PARD3B: variants seen among roughly 807,000 people sequenced by gnomAD.
The protein encoded by PARD3B is par-3 family cell polarity regulator beta.
PARD3B carries 103 observed loss-of-function variants against 130.2 expected under a neutral mutation model. That is an observed-to-expected ratio of 0.79 (90% CI 0.67 to 0.93). PARD3B has a LOEUF of 0.93. Among genes scored for constraint, PARD3B ranks in the 40% least tolerant of loss-of-function variants. The pLI is 0.00. For synonymous variants in PARD3B, 583 were observed against 553.2 expected (o/e 1.05, Z -0.76); for missense variants, 1,609 against 1,499.2 (o/e 1.07, Z -1.21).
rs1287069482 is a variant in PARD3B, at chr2:205,276,737, G to A, written c.2186-23793G>A. On this transcript the variant is annotated intron_variant, in intron 16 of 22. Transcript: ENST00000406610. The surrounding 1 kb of genome is among the most constrained non-coding windows in gnomAD (Gnocchi z 5.0). ...AGGAGAAGCCCAAGGGACTCTGGCT[G>A]TTAGAAAATTTGTCATCCTGCTAGA... is the stretch of plus-strand genomic sequence containing the variant. 6.6e-6 allele frequency among the ~76,000 whole-genome samples: 1 copy of A among 152,190 alleles called. No individual in the cohort carries two copies.
At chr2:204,625,244 A>T (rs961206620) in intron 1 of PARD3B, among the ~76,000 whole-genome samples, 4 of 152,152 alleles carry the variant, frequency 2.6e-5, no homozygotes, top group African/African-American at 9.7e-5. Context: ...CAAAAATAAA[A>T]ATATTGAATG....
At position 205,258,135 on chromosome 2, in the gene PARD3B, G is replaced by A. The variant is rs969729331; in HGVS notation, c.2185+12313G>A. Among the ~76,000 whole-genome samples the A allele has an allele frequency of 6.6e-6, 1 of 152,110 alleles. No individual in the cohort carries two copies. The highest frequency in any genetic ancestry group is 2.4e-5 in the African/African-American group (1 of 41,394). On this transcript the variant is annotated intron_variant, in intron 16 of 22. Transcript: ENST00000406610. This position sits in a 1 kb window ranked among gnomAD's most constrained non-coding sequence, Gnocchi z 4.9. ...GATGCAATGGTACACTTCCATGTGG[G>A]CCTGGAAAGCCTTACCAGATGCAGT...
At chr2:205,039,014 A>G (rs889762023) in intron 3 of PARD3B, among the ~76,000 whole-genome samples, 33 of 152,100 alleles carry the variant, frequency 2.2e-4, no homozygotes, top group African/African-American at 8.0e-4. Flanking sequence ...TCCTGCGGCG[A>G]AAGTGATCTC....
At position 205,172,244 on chromosome 2, in the gene PARD3B, G is replaced by T; in HGVS notation, c.1654G>T (p.Ala552Ser). ...GRLRMNDQLI[A>S]VNGESLLGKS... ...TCTGCGAATGAATGACCAGCTGATT[G>T]CAGTTAATGGGGAATCTCTTTTGGG... Residue 552 changes from alanine to serine, a missense_variant, in exon 12 of 23, where the codon GCA (alanine) becomes TCA (serine). Transcript: ENST00000406610. 1 of 1,614,070 alleles carries T rather than the reference G, an allele frequency of 6.2e-7. No homozygotes were observed. The highest frequency in any genetic ancestry group is 8.5e-7 in the Non-Finnish European group (1 of 1,180,004).
intron 22 of PARD3B, among the ~76,000 whole-genome samples, chr2:205,553,820 A>AACTT (rs761288940): frequency 2.4e-4 from 37 of 152,264 alleles, no homozygotes; most frequent in Admixed American, 9.8e-4. Context: ...AAGAAATGTG[A>AACTT]ACTTAGGAAG....
intron 7 of PARD3B, among the ~76,000 whole-genome samples, chr2:205,119,751 C>T (rs2030434851): frequency 6.6e-6 from 1 of 152,142 alleles, no homozygotes; most frequent in African/African-American, 2.4e-5. Context: ...CTTTGCACTC[C>T]ACCCTGGGTG....
At chr2:205,369,610 A>G (rs1275764731) in intron 18 of PARD3B, among the ~76,000 whole-genome samples, 1 of 152,074 alleles carries the variant, frequency 6.6e-6, no homozygotes, top group African/African-American at 2.4e-5. Flanking sequence ...GTTAAAGAAA[A>G]ATTTCTTCCC....
chr2:205,456,073 CTTTT>C (rs1162810226), intron 20 of PARD3B, among the ~76,000 whole-genome samples: 2 of 151,996 alleles, frequency 1.3e-5, no homozygotes, highest in Non-Finnish European at 2.9e-5. Context: ...AAGCATGTGG[CTTTT>C]TTCACACCCT....
chr2:204,855,415 A>G (rs997057133), intron 2 of PARD3B, among the ~76,000 whole-genome samples: 1 of 151,676 alleles, frequency 6.6e-6, no homozygotes, highest in Non-Finnish European at 1.5e-5. Context: ...GGTAGCGTGT[A>G]CCTGTAGTCT....
intron 15 of PARD3B, among the ~76,000 whole-genome samples, chr2:205,237,016 C>T (rs942357129): frequency 4.6e-5 from 7 of 152,152 alleles, no homozygotes; most frequent in African/African-American, 1.7e-4. Flanking sequence ...GTTGAAACAC[C>T]CATAGTGCTT....
At chr2:205,123,223 G>A (rs2030968038) in intron 8 of PARD3B, among the ~76,000 whole-genome samples, 3 of 152,068 alleles carry the variant, frequency 2.0e-5, no homozygotes, top group African/African-American at 4.8e-5. Context: ...GTTGTAGGAA[G>A]GAAAAAAGAG....
At chr2:205,424,718 C>T (rs1384142278) in intron 19 of PARD3B, among the ~76,000 whole-genome samples, 13 of 152,110 alleles carry the variant, frequency 8.5e-5, no homozygotes, top group Non-Finnish European at 1.9e-4. Flanking sequence ...ATGTAGCTTA[C>T]AATACCCCAG....
intron 2 of PARD3B, among the ~76,000 whole-genome samples, chr2:204,964,774 C>A (rs1310782751): frequency 6.6e-6 from 1 of 152,070 alleles, no homozygotes; most frequent in Non-Finnish European, 1.5e-5. Context: ...TTATTCAATG[C>A]ATATTCAACT....
intron 2 of PARD3B, among the ~76,000 whole-genome samples, chr2:204,713,408 G>C (rs1349815580): frequency 7.1e-6 from 1 of 141,792 alleles, no homozygotes; most frequent in African/African-American, 3.1e-5. Context: ...GGATAAAATA[G>C]ACGTACCATA....
At chr2:204,721,425 G>T (rs752321815) in intron 2 of PARD3B, among the ~76,000 whole-genome samples, 1 of 152,142 alleles carries the variant, frequency 6.6e-6, no homozygotes, top group Non-Finnish European at 1.5e-5. Context: ...CTCTTTTAAA[G>T]TGGCATCTCT....
chr2:204,910,834 G>A (rs1329342439), intron 2 of PARD3B, among the ~76,000 whole-genome samples: 3 of 152,044 alleles, frequency 2.0e-5, no homozygotes, highest in African/African-American at 7.2e-5. Context: ...AGTAGAGACT[G>A]GGTTTCACTT....
chr2:205,155,736 A>C (rs568909477), intron 10 of PARD3B, among the ~76,000 whole-genome samples: 1 of 152,084 alleles, frequency 6.6e-6, no homozygotes, highest in African/African-American at 2.4e-5. Context: ...AATGATTGCC[A>C]TTCTAACTGG....
chr2:205,119,612 C>G (rs556029626), intron 7 of PARD3B, among the ~76,000 whole-genome samples: 17 of 152,148 alleles, frequency 1.1e-4, no homozygotes, highest in Admixed American at 4.6e-4. Context: ...AACCCCATCT[C>G]TACTAAAGGT....
At chr2:205,504,334 C>T (rs2050268836) in intron 21 of PARD3B, among the ~76,000 whole-genome samples, 1 of 152,104 alleles carries the variant, frequency 6.6e-6, no homozygotes, top group African/African-American at 2.4e-5. Context: ...TAGGCAGGGG[C>T]AAGGACTTCA....
Sources: allele counts gnomAD v4.1 joint callset (sites outside exome capture counted in the v4.1 genomes callset), GRCh38; gene constraint gnomAD v4.1.1; non-coding constraint Gnocchi (gnomAD v3.1); transcripts MANE v1.5; gene names NCBI Gene and HGNC (gene_info 2026-07-23, HGNC 2026-07-21).